The following TFR2 variants were observed in gnomAD, a reference collection of about 807,000 sequenced individuals.
TFR2 encodes the protein transferrin receptor protein 2.
Under a neutral mutation model 91.9 loss-of-function variants are expected in TFR2, and 64 were observed. The observed-to-expected ratio is 0.70, with a 90% CI of 0.57 to 0.86. TFR2 has a LOEUF of 0.86. TFR2 is among the 40% of genes least tolerant of loss of function. The probability of loss-of-function intolerance (pLI) is 0.00; values close to 1 mark genes in which losing one functional copy is unlikely to be tolerated. For synonymous variants in TFR2, 454 were observed against 459.6 expected, an observed-to-expected ratio of 0.99 and a Z score of 0.15; for missense variants, 950 against 1,080.5, an observed-to-expected ratio of 0.88 and a Z score of 1.69.
In TFR2 at chr7:100,621,014, A is replaced by G. The variant is rs1209005239; in HGVS notation, c.2249T>C (p.Leu750Pro). The change falls in exon 18 of 18, where the codon CTG (leucine) becomes CCG (proline). Residue 750 changes from leucine (L) to proline (P), a missense_variant. Transcript: ENST00000223051. ...GGTCCCGGAGCTGTTGGAGCGCAGCAGCCGCAGGTGGTCCAGCAGGGCGCC... is the reference window on the plus strand; with the variant it reads ...GGTCCCGGAGCTGTTGGAGCGCAGCGGCCGCAGGTGGTCCAGCAGGGCGCC... ...TLGALLDHLR[L>P]LRSNSSGTPG... The G allele has an allele frequency of 1.0e-5, 16 of 1,603,592 alleles. No individual in the cohort carries two copies. Among genetic ancestry groups the G allele is most frequent in the Non-Finnish European group, 1.4e-5 (16 of 1,175,434 alleles).
Position 100,633,004 on chromosome 7 carries a change from C to A in TFR2, c.846G>T (p.Gln282His). ...LVRVGVISFA[Q>H]KVTNAQDFGA... ...CCCTCTGTCCAGGGACACTTACCTT[C>A]TGGGCGAAGCTGATCACCCCCACGC... The change falls in exon 6 of 18, where the codon CAG (glutamine) becomes CAT (histidine). Residue 282 changes from glutamine to histidine, a missense_variant. By Grantham distance (24) the Gln-to-His change is conservative. Transcript: ENST00000223051. 6.2e-7 allele frequency: 1 copy of A among 1,613,816 alleles called. No homozygotes were observed. The highest frequency in any genetic ancestry group is 8.5e-7 in the Non-Finnish European group (1 of 1,180,010).
intron 17 of TFR2, among the ~76,000 whole-genome samples, chr7:100,624,289 A>C (rs1803194826): frequency 2.0e-5 from 3 of 152,144 alleles, no homozygotes; most frequent in Admixed American, 2.0e-4. Context: ...CCCCGCTTCC[A>C]AGTAAAACCA....
At chr7:100,631,145 T>C in intron 8 of TFR2, 93 bp from the exon 9 acceptor site, 1 of 1,375,734 alleles carries the variant, frequency 7.3e-7, no homozygotes, top group Non-Finnish European at 9.6e-7. Flanking sequence ...TCCCACCCTT[T>C]CTGGCTCCAG....
chr7:100,641,418 G>T, intron 1 of TFR2, 59 bp downstream of exon 1: 1 of 1,606,112 alleles, frequency 6.2e-7, no homozygotes, highest in Non-Finnish European at 8.5e-7. Flanking sequence ...GGGCTTGGGA[G>T]GGGGCTGAGG....
chr7:100,621,337 T>TCC (rs1187268942), intron 17 of TFR2, among the ~76,000 whole-genome samples: 3 of 152,170 alleles, frequency 2.0e-5, no homozygotes, highest in African/African-American at 7.2e-5. Flanking sequence ...CACTGCAACC[T>TCC]CCGCCTTCAG....
intron 10 of TFR2, among the ~76,000 whole-genome samples, 170 bp downstream of exon 10, chr7:100,629,083 C>T (rs996733007): frequency 3.3e-5 from 5 of 152,098 alleles, no homozygotes; most frequent in East Asian, 1.9e-4. Context: ...TTTTAGGTGA[C>T]GAAATAGAGG....
intron 17 of TFR2, among the ~76,000 whole-genome samples, chr7:100,623,633 A>G (rs1803172852): frequency 6.6e-6 from 1 of 152,030 alleles, no homozygotes; most frequent in African/African-American, 2.4e-5. Flanking sequence ...AAAATAAAAA[A>G]TTAGTCGGGT....
In TFR2 at chr7:100,633,397, C is replaced by T; in HGVS notation, c.614+19G>A. 6.2e-7 allele frequency: 1 copy of T among 1,605,186 alleles called. No homozygotes were observed. Among genetic ancestry groups the T allele is most frequent in the Non-Finnish European group, 8.5e-7 (1 of 1,175,590 alleles). On this transcript the variant is annotated intron_variant, in intron 4 of 17. Coordinates refer to ENST00000223051, the MANE Select transcript of TFR2 (RefSeq NM_003227.4). ...CGCGTCCCCCTCCCCGCGCGCCCCCCGCCCGCGCGCGCACTCACGGATCCG... is the reference window on the plus strand; with the variant it reads ...CGCGTCCCCCTCCCCGCGCGCCCCCTGCCCGCGCGCGCACTCACGGATCCG...
intron 3 of TFR2, among the ~76,000 whole-genome samples, chr7:100,639,066 A>G (rs899330575): frequency 3.9e-5 from 6 of 152,130 alleles, no homozygotes; most frequent in Non-Finnish European, 8.8e-5. Flanking sequence ...TTACTATATA[A>G]ACATTAAAGA....
rs1393471131 is a variant in TFR2, at chr7:100,620,706, T to A, written c.*151A>T. 2 of 1,068,592 alleles carry A rather than the reference T, an allele frequency of 1.9e-6. No individual in the cohort carries two copies. Among genetic ancestry groups the A allele is most frequent in the Non-Finnish European group, 2.7e-6 (2 of 730,406 alleles). 66.2% of individuals were successfully genotyped at this position (1,068,592 alleles called of 1,614,324 possible). A position where few individuals can be genotyped will look rare whatever the true frequency, so the allele number is the denominator to read the frequency against. On this transcript the variant is annotated 3_prime_UTR_variant, in exon 18 of 18. Coordinates refer to ENST00000223051, the MANE Select transcript of TFR2 (RefSeq NM_003227.4). ...GGGTGTGTGGATATCTGTGCTGGGG[T>A]CTGGGCTCCGTGGAGAGATGTGTAG...
chr7:100,622,970 CCAAA>C (rs3991183), intron 17 of TFR2, among the ~76,000 whole-genome samples: 104,688 of 149,340 alleles, frequency 0.7, 37,359 homozygotes, highest in African/African-American at 0.84. Flanking sequence ...GAAAACAAAA[CCAAA>C]CAAACAAACA....
intron 3 of TFR2, among the ~76,000 whole-genome samples, chr7:100,638,325 GAGC>G (rs1436353591): frequency 6.6e-6 from 1 of 151,866 alleles, no homozygotes; most frequent in African/African-American, 2.4e-5. Flanking sequence ...TAAAAGCCCT[GAGC>G]AGGCTGGGTG....
intron 3 of TFR2, among the ~76,000 whole-genome samples, chr7:100,638,997 T>C (rs1803635608): frequency 6.6e-6 from 1 of 152,126 alleles, no homozygotes; most frequent in South Asian, 2.1e-4. Context: ...AGAGTAATCA[T>C]ACACCTTGAT....
At position 100,633,118 on chromosome 7, in the gene TFR2, C is replaced by T. The variant is rs1803496870; in HGVS notation, c.732G>A (p.Glu244=). 1 of 1,613,486 alleles carries T rather than the reference C, an allele frequency of 6.2e-7. No homozygotes were observed. The highest frequency in any genetic ancestry group is 1.7e-5 in the Admixed American group (1 of 60,012). ...GCCGCCCGTAGTGGGCGTACACCAG[C>T]TCTCCCTGGGGACACGAGGACGGTG... The part of the protein sequence containing the change: ...PYSAIGNVTG[E]LVYAHYGRPE... Residue 244 remains glutamate (E), a synonymous_variant, in exon 6 of 18, where the codon GAG becomes GAA. Coordinates refer to ENST00000223051, the MANE Select transcript of TFR2 (RefSeq NM_003227.4).
Position 100,640,966 on chromosome 7 carries a change from C to T in TFR2, c.286+10G>A, listed in dbSNP as rs375405962. 1.7e-5 allele frequency: 28 copies of T among 1,611,614 alleles called. No homozygotes were observed. The highest frequency in any genetic ancestry group is 6.7e-5 in the African/African-American group (5 of 74,848). On this transcript the variant is annotated intron_variant, in intron 2 of 17. Coordinates refer to ENST00000223051, the MANE Select transcript of TFR2 (RefSeq NM_003227.4). ...AGCCCTTCACTTCTGGGGAGGGGGA[C>T]GGCTCTCACCCCCAGTGAAGATCAG... is the stretch of plus-strand genomic sequence containing the variant.
chr7:100,628,162 T>C, intron 11 of TFR2, 26 bp from the exon 12 acceptor site: 5 of 1,613,668 alleles, frequency 3.1e-6, no homozygotes, highest in Non-Finnish European at 4.2e-6. Context: ...CAGTGTGGAG[T>C]GGGAACCCCC....
At chr7:100,626,167 GA>G (rs780572455) in intron 17 of TFR2, among the ~76,000 whole-genome samples, 1 of 152,148 alleles carries the variant, frequency 6.6e-6, no homozygotes, top group Non-Finnish European at 1.5e-5. Context: ...CTTGGAGTAA[GA>G]AAATGGAAGG....
At chr7:100,622,307 T>A (rs543747550) in intron 17 of TFR2, among the ~76,000 whole-genome samples, 1 of 152,320 alleles carries the variant, frequency 6.6e-6, no homozygotes, top group East Asian at 1.9e-4. Flanking sequence ...CCCCACCCAG[T>A]GACCCACTGG....
intron 3 of TFR2, among the ~76,000 whole-genome samples, chr7:100,635,814 T>G (rs1482819186): frequency 1.3e-5 from 2 of 152,000 alleles, no homozygotes; most frequent in African/African-American, 4.8e-5. Context: ...TTGCCCAGGC[T>G]GGTCTCAAAC....
Sources: allele counts gnomAD v4.1 joint callset (sites outside exome capture counted in the v4.1 genomes callset), GRCh38; gene constraint gnomAD v4.1.1; transcripts MANE v1.5; gene names NCBI Gene and HGNC (gene_info 2026-07-23, HGNC 2026-07-21).